TEP1: variants seen among roughly 807,000 people sequenced by gnomAD.
TEP1 encodes telomerase associated protein 1.
Under a neutral mutation model 306.3 loss-of-function variants are expected in TEP1, and 241 were observed. The observed-to-expected ratio is 0.79, with a 90% confidence interval of 0.71 to 0.88. The LOEUF (loss-of-function observed/expected upper bound fraction) is 0.88, where lower values mean the gene tolerates loss of function less well. TEP1 is among the 40% of genes least tolerant of loss of function. The pLI, the probability that TEP1 is intolerant of heterozygous loss-of-function variation, is 0.00. For synonymous variants in TEP1, 1,289 were observed against 1,305.5 expected (o/e 0.99, Z 0.27); for missense variants, 3,051 against 3,276.1 (o/e 0.93, Z 1.68).
chr14:20,372,807 A>G lies in TEP1; in HGVS notation c.7002T>C (p.Phe2334=), dbSNP rs145820200. Residue 2334 remains phenylalanine, a synonymous_variant, in exon 49 of 55, where the codon TTT becomes TTC. Coordinates refer to ENST00000262715, the MANE Select transcript of TEP1 (RefSeq NM_007110.5). ...ALIWSSAHTF[F]VLSADEKISE... The stretch of plus-strand genomic sequence containing the variant: ...TGATTTTCTCATCAGCACTGAGGAC[A>G]AAAAAGGTGTGTGCCGAGGACCAGA... 1.2e-5 allele frequency: 20 copies of G among 1,614,006 alleles called. No homozygotes were observed. Among genetic ancestry groups the G allele is most frequent in the Admixed American group, 1.7e-5 (1 of 59,990 alleles).
intron 9 of TEP1, among the ~76,000 whole-genome samples, chr14:20,399,330 G>T (rs938892): frequency 6.6e-6 from 1 of 151,848 alleles, no homozygotes; most frequent in Non-Finnish European, 1.5e-5. Flanking sequence ...ATCATTTTCG[G>T]TAAGAAATTA....
At chr14:20,372,498 A>C (rs963443973) in intron 49 of TEP1, among the ~76,000 whole-genome samples, 3 of 151,970 alleles carry the variant, frequency 2.0e-5, no homozygotes, top group African/African-American at 7.3e-5. Flanking sequence ...TCCTTAATTA[A>C]AGGATGAATT....
Position 20,383,748 on chromosome 14 carries a change from G to C in TEP1, c.3705C>G (p.Thr1235=). The C allele has an allele frequency of 6.2e-7, 1 of 1,611,284 alleles. No individual in the cohort carries two copies. Among genetic ancestry groups the C allele is most frequent in the Non-Finnish European group, 8.5e-7 (1 of 1,179,010 alleles). ...QLKEPGALPS[T]YRSLVWELQQ... Reference sequence around the variant, plus strand: ...GCTCATTGGGGGATACCCACCGGTAGGTGCTGGGGAGGGCACCTGGCTCTT... The same window carrying C: ...GCTCATTGGGGGATACCCACCGGTACGTGCTGGGGAGGGCACCTGGCTCTT... The change falls in exon 25 of 55, where the codon ACC becomes ACG. Residue 1235 remains threonine (T), a synonymous_variant. Coordinates refer to ENST00000262715, the MANE Select transcript of TEP1 (RefSeq NM_007110.5).
chr14:20,383,706 G>A (rs772348402), intron 25 of TEP1, 37 bp downstream of exon 25: 25 of 1,608,246 alleles, frequency 1.6e-5, no homozygotes, highest in Non-Finnish European at 2.1e-5. Flanking sequence ...GTGGTACGTG[G>A]GCATCAACAA....
At chr14:20,376,919 G>A (rs1299372319) in intron 41 of TEP1, among the ~76,000 whole-genome samples, 2 of 152,122 alleles carry the variant, frequency 1.3e-5, no homozygotes, top group Non-Finnish European at 2.9e-5. Context: ...TCTTTAAAAG[G>A]AACAGTGATT....
chr14:20,380,090 G>C, intron 34 of TEP1, 37 bp from the exon 35 acceptor site: 1 of 1,600,080 alleles, frequency 6.2e-7, no homozygotes, highest in Non-Finnish European at 8.5e-7. Flanking sequence ...GGAAATAAAC[G>C]AGAGAATGCA....
chr14:20,388,399 G>T (rs1877393872), intron 17 of TEP1, among the ~76,000 whole-genome samples: 1 of 152,180 alleles, frequency 6.6e-6, no homozygotes, highest in South Asian at 2.1e-4. Context: ...AGCCATAAAG[G>T]CCCCCTGGAG....
rs146511904 is a variant in TEP1, at chr14:20,382,694, G to A, written c.4069C>T (p.Arg1357Trp). The change falls in exon 28 of 55, where the codon CGG becomes TGG. Residue 1357 changes from arginine (R) to tryptophan (W), a missense_variant. Coordinates refer to ENST00000262715, the MANE Select transcript of TEP1 (RefSeq NM_007110.5). ...AGGTAGAGCGGCCGGCCTGATTCCC[G>A]CTTCACCAGCAGCAGTCGCATCTGG... ...NNQMRLLLVKRESGRPLYLRL... is the reference protein window; with the variant it reads ...NNQMRLLLVKWESGRPLYLRL... 4.0e-5 allele frequency: 64 copies of A among 1,614,046 alleles called. No individual in the cohort carries two copies. The highest frequency in any genetic ancestry group is 1.6e-4 in the Middle Eastern group (1 of 6,062).
rs747095936 is a variant in TEP1 at position 20,385,076 on chromosome 14, C to T, written c.3016G>A (p.Glu1006Lys). ...QQYPSGRSVT[E>K]MEVMQFLNRN... ...TTCAGGAACTGCATCACCTCCATCTCTGTCACAGAGCGCCCTGAAGGGTAC... is the reference window on the plus strand; with the variant it reads ...TTCAGGAACTGCATCACCTCCATCTTTGTCACAGAGCGCCCTGAAGGGTAC... The change falls in exon 21 of 55, where the codon GAG (glutamate) becomes AAG (lysine). Residue 1006 changes from glutamate (E) to lysine (K), a missense_variant. This residue lies in a region of TEP1 where 1,507 missense variants were observed against 1,550.5 expected (regional missense o/e 0.97). Coordinates refer to ENST00000262715, the MANE Select transcript of TEP1 (RefSeq NM_007110.5). 6.2e-5 allele frequency: 100 copies of T among 1,614,130 alleles called. No homozygotes were observed. The East Asian group carries it at 2.1e-3, about 34-fold the overall frequency.
chr14:20,368,919 G>A lies in TEP1; in HGVS notation c.7657-17C>T. The A allele has an allele frequency of 6.2e-7, 1 of 1,602,702 alleles. No homozygotes were observed. Among genetic ancestry groups the A allele is most frequent in the East Asian group, 2.2e-5 (1 of 44,694 alleles). ...CGAGTGAATCTCAAAGAGGAAAGGG[G>A]AGAGCAGAATGGTGAGTTCTCAGGG... is the stretch of plus-strand genomic sequence containing the variant. On this transcript the variant is annotated splice_polypyrimidine_tract_variant and intron_variant, in intron 53 of 54. Transcript: ENST00000262715.
Position 20,377,475 on chromosome 14 carries a change from C to G in TEP1, c.5893G>C (p.Gly1965Arg), listed in dbSNP as rs138288297. 1.2e-6 allele frequency: 2 copies of G among 1,613,890 alleles called. No homozygotes were observed. The highest frequency in any genetic ancestry group is 1.7e-6 in the Non-Finnish European group (2 of 1,179,874). ...KISSGSQGAQ[G>R]QALDVAVSAL... is the part of the protein sequence containing the mutation. ...GACACTGCCACATCCAGTGCCTGAC[C>G]CTGAGCCCCCTGGGAACCTAGAGAA... The change falls in exon 41 of 55, where the codon GGT becomes CGT. Residue 1965 changes from glycine to arginine, a missense_variant. By Grantham distance (125) the Gly-to-Arg change is moderately radical. This residue lies in a region of TEP1 where 1,540 missense variants were observed against 1,705.9 expected (regional missense o/e 0.90). Coordinates refer to ENST00000262715, the MANE Select transcript of TEP1 (RefSeq NM_007110.5).
chr14:20,395,562 G>A lies in TEP1; in HGVS notation c.1816C>T (p.Pro606Ser), dbSNP rs747170152. Reference protein sequence around the residue: ...RILTRNEKNRPRRRFLCHLSR... With the variant: ...RILTRNEKNRSRRRFLCHLSR... ...AGGTGGCAAAGAAACCTCCGCCTGG[G>A]ACGGTTCTTTTCATTTCTAGTTAGT... Residue 606 changes from proline (P) to serine (S), a missense_variant, in exon 12 of 55, where the codon CCC becomes TCC. Pro to Ser is a moderately conservative substitution (Grantham distance 74). Coordinates refer to ENST00000262715, the MANE Select transcript of TEP1 (RefSeq NM_007110.5). 1.1e-5 allele frequency: 17 copies of A among 1,613,792 alleles called. No individual in the cohort carries two copies. Among genetic ancestry groups the A allele is most frequent in the Non-Finnish European group, 1.4e-5 (16 of 1,179,694 alleles).
In TEP1 at chr14:20,381,478, G is replaced by A. The variant is rs1007904751; in HGVS notation, c.4558+75C>T. 15 of 1,612,528 alleles carry A rather than the reference G, an allele frequency of 9.3e-6. No homozygotes were observed. The Admixed American group carries it at 1.7e-4, about 18-fold the overall frequency. On this transcript the variant is annotated intron_variant, in intron 31 of 54. Coordinates refer to ENST00000262715, the MANE Select transcript of TEP1 (RefSeq NM_007110.5). This position sits in a 1 kb window ranked among gnomAD's most constrained non-coding sequence, Gnocchi z 4.0. ...AGTAGGTGAGCTGGCCAGCAGATGG[G>A]AGCACAGTGGGTGGTCCTGGCCTCC...
intron 21 of TEP1, 38 bp from the exon 22 acceptor site, chr14:20,384,751 G>C: frequency 6.3e-7 from 1 of 1,587,090 alleles, no homozygotes; most frequent in Non-Finnish European, 8.6e-7. Flanking sequence ...AATAGACTCA[G>C]ACCCCAGCCA....
intron 1 of TEP1, among the ~76,000 whole-genome samples, chr14:20,410,204 C>T (rs1040487256): frequency 6.6e-6 from 1 of 151,880 alleles, no homozygotes; most frequent in African/African-American, 2.4e-5. Flanking sequence ...GATTCTACTC[C>T]CTCAGTGTCT....
rs754606129 is a variant in TEP1, at chr14:20,408,196, G to A, written c.244C>T (p.Leu82=). 1.2e-5 allele frequency: 19 copies of A among 1,613,438 alleles called. No homozygotes were observed. The highest frequency in any genetic ancestry group is 1.5e-5 in the Non-Finnish European group (18 of 1,179,526). The change falls in exon 2 of 55, where the codon CTG becomes TTG. Residue 82 remains leucine (L), a synonymous_variant. Transcript: ENST00000262715. ...GTCTTCAGGTCAGAAAGTGTGGCCA[G>A]GCACTGGTTCTCCAAGGAGAGGATG... ...PDILSLENQC[L]ATLSDLKTME...
At chr14:20,369,248 T>G (rs1229386431) in intron 53 of TEP1, 96 bp downstream of exon 53, 2 of 1,247,296 alleles carry the variant, frequency 1.6e-6, no homozygotes, top group Non-Finnish European at 2.3e-6. Flanking sequence ...GACCTCATTA[T>G]CTGCCCGCCT....
In TEP1 at chr14:20,391,685, G is replaced by C; in HGVS notation, c.2011C>G (p.Leu671Val). Residue 671 changes from leucine (L) to valine (V), a missense_variant, in exon 13 of 55, where the codon CTG (leucine) becomes GTG (valine). Physicochemically the swap from Leu to Val is conservative, Grantham distance 32. Transcript: ENST00000262715. ...ACAGTGCGGCCTGGCAGCAGGGGCA[G>C]GCTGTGCTTCACAGAGAGGTTCACA... ...TAVNLSVKHS[L>V]PLLPGRTVLV... 1 of 1,614,224 alleles carries C rather than the reference G, an allele frequency of 6.2e-7. No individual in the cohort carries two copies. The highest frequency in any genetic ancestry group is 1.1e-5 in the South Asian group (1 of 91,088).
At position 20,368,861 on chromosome 14, in the gene TEP1, C is replaced by T; in HGVS notation, c.7698G>A (p.Glu2566=). The T allele has an allele frequency of 1.9e-6, 3 of 1,614,008 alleles. No individual in the cohort carries two copies. The highest frequency in any genetic ancestry group is 2.5e-6 in the Non-Finnish European group (3 of 1,180,022). The change falls in exon 54 of 55, where the codon GAG becomes GAA. Residue 2566 remains glutamate, a synonymous_variant. Transcript: ENST00000262715. The part of the protein sequence containing the change: ...GSVTALHVLP[E]LLVTASKDRD... ...TGTCCTTCGAAGCTGTCACCAGCAA[C>T]TCAGGTAGCACATGGAGGGCTGTGA...
Sources: gnomAD v4.1 joint callset for allele counts (sites outside exome capture counted in the v4.1 genomes callset) on GRCh38, gnomAD v4.1.1 for gene constraint, gnomAD v4.1.1 regional missense constraint, Gnocchi (gnomAD v3.1) non-coding constraint, MANE v1.5 for transcripts, NCBI Gene and HGNC (gene_info 2026-07-23, HGNC 2026-07-21) for gene names.